ARHGAP8: variants seen among roughly 807,000 people sequenced by gnomAD.
The protein encoded by ARHGAP8 is rho GTPase-activating protein 8.
Under a neutral mutation model 46.1 loss-of-function variants are expected in ARHGAP8, and 62 were observed. That is an observed-to-expected ratio of 1.34 (90% CI 1.10 to 1.66). ARHGAP8 has a LOEUF of 1.66. Among genes scored for constraint, ARHGAP8 ranks in the 40% most tolerant of loss-of-function variants. The pLI is 0.00. For synonymous variants in ARHGAP8, 375 were observed against 243.1 expected, an observed-to-expected ratio of 1.54 and a Z score of -5.05; for missense variants, 923 against 568.4, an observed-to-expected ratio of 1.62 and a Z score of -6.34.
In ARHGAP8 at chr22:44,860,309, G is replaced by C. The variant is rs116993286; in HGVS notation, c.981+475G>C. ...TACTGTGTCACTCTTCTAGAGGCTA[G>C]CAGTCCAAAAGCAAGGTGTGGCGGG... On this transcript the variant is annotated intron_variant, in intron 11 of 11. Transcript: ENST00000356099. Among the ~76,000 whole-genome samples, 1,086 of 152,268 alleles carry C rather than the reference G, an allele frequency of 7.1e-3. 5 individuals are homozygous for C. Among genetic ancestry groups the C allele is most frequent in the Non-Finnish European group, 0.012 (844 of 68,004 alleles).
chr22:44,859,866 GC>G, intron 11 of ARHGAP8, 32 bp downstream of exon 11: 4 of 1,606,510 alleles, frequency 2.5e-6, no homozygotes, highest in Non-Finnish European at 3.4e-6. Flanking sequence ...TTGGGGTGAA[GC>G]CCAGTGGCCT....
At chr22:44,772,479 C>T (rs1018162135) in intron 1 of ARHGAP8, among the ~76,000 whole-genome samples, 21 of 150,964 alleles carry the variant, frequency 1.4e-4, no homozygotes, top group Non-Finnish European at 1.8e-4. Context: ...CATGAGCCAC[C>T]GTGCTGGCTG....
chr22:44,851,361 T>C, intron 10 of ARHGAP8, among the ~76,000 whole-genome samples: 1 of 152,154 alleles, frequency 6.6e-6, no homozygotes, highest in African/African-American at 2.4e-5. Flanking sequence ...GTTTATTTAA[T>C]GTAAGTTTTA....
rs117037909 is a variant in ARHGAP8, at chr22:44,860,237, G to A, written c.981+403G>A. Among the ~76,000 whole-genome samples the A allele has an allele frequency of 2.2e-4, 33 of 151,694 alleles. 1 individual carries two copies. Among genetic ancestry groups the A allele is most frequent in the African/African-American group, 5.9e-4 (24 of 41,016 alleles). Reference sequence around the variant, plus strand: ...GGGGAAGGGATACACCCAGAACCACGTACATTAAGTTCCTGTGACTGCATC... The same window carrying A: ...GGGGAAGGGATACACCCAGAACCACATACATTAAGTTCCTGTGACTGCATC... On this transcript the variant is annotated intron_variant, in intron 11 of 11. Transcript: ENST00000356099.
chr22:44,828,894 G>A (rs966718071), intron 7 of ARHGAP8, among the ~76,000 whole-genome samples: 1 of 152,092 alleles, frequency 6.6e-6, no homozygotes, highest in Admixed American at 6.5e-5. Flanking sequence ...TCTTTAGCTG[G>A]GAGATTCCAG....
chr22:44,771,221 G>C (rs1366991753), intron 1 of ARHGAP8, among the ~76,000 whole-genome samples: 3 of 148,660 alleles, frequency 2.0e-5, no homozygotes, highest in Non-Finnish European at 4.5e-5. Context: ...TTACTTAGAT[G>C]ATCATGTAGT....
intron 1 of ARHGAP8, among the ~76,000 whole-genome samples, chr22:44,775,989 C>G (rs1490922645): frequency 1.3e-5 from 2 of 152,276 alleles, no homozygotes; most frequent in Admixed American, 6.5e-5. Context: ...ATTCTGGTCA[C>G]TCATGGAGTG....
At chr22:44,838,230 C>A (rs1290519053) in intron 7 of ARHGAP8, among the ~76,000 whole-genome samples, 5 of 151,988 alleles carry the variant, frequency 3.3e-5, no homozygotes, top group African/African-American at 1.2e-4. Context: ...CTCCGCCTCC[C>A]GGGTTCAAGC....
chr22:44,830,855 C>G (rs549918370), intron 7 of ARHGAP8, among the ~76,000 whole-genome samples: 1 of 152,078 alleles, frequency 6.6e-6, no homozygotes, highest in Non-Finnish European at 1.5e-5. Flanking sequence ...TATTTTTTAT[C>G]GTAGCCATCC....
chr22:44,773,655 T>C (rs1289184480), intron 1 of ARHGAP8, among the ~76,000 whole-genome samples: 1 of 152,224 alleles, frequency 6.6e-6, no homozygotes, highest in Non-Finnish European at 1.5e-5. Flanking sequence ...TGATCTTGGC[T>C]CACTGCATCC....
chr22:44,803,199 G>T (rs1051657077), intron 3 of ARHGAP8, among the ~76,000 whole-genome samples: 1 of 152,134 alleles, frequency 6.6e-6, no homozygotes, highest in Admixed American at 6.5e-5. Context: ...CGAGTGAGGG[G>T]GTGCCTGGGC....
rs145431642 is a variant in ARHGAP8, at chr22:44,845,325, C to A, written c.653C>A (p.Thr218Lys). The change falls in exon 8 of 12, where the codon ACG becomes AAG. Residue 218 changes from threonine to lysine, a missense_variant. Transcript: ENST00000356099. ...CCCCCTGTGCTGAGGTTCACAGTGA[C>A]GTACCTGAGAGAGAAAGGTGAGACG... ...LIPPVLRFTV[T>K]YLREKGLRTE... is the part of the protein sequence containing the mutation. The A allele has an allele frequency of 3.7e-6, 6 of 1,614,126 alleles. No homozygotes were observed. Among genetic ancestry groups the A allele is most frequent in the African/African-American group, 1.3e-5 (1 of 75,024 alleles).
At chr22:44,759,556 G>C (rs1249714726) in intron 1 of ARHGAP8, among the ~76,000 whole-genome samples, 2 of 152,210 alleles carry the variant, frequency 1.3e-5, no homozygotes, top group African/African-American at 4.8e-5. Flanking sequence ...TTCATTCTCT[G>C]TGGGCTGCTG....
At chr22:44,781,123 A>G (rs1557557) in intron 1 of ARHGAP8, among the ~76,000 whole-genome samples, 135,161 of 152,160 alleles carry the variant, frequency 0.89, 60,065 homozygotes, top group Non-Finnish European at 0.9. Context: ...TGAAATAACC[A>G]GAGGCGATCT....
intron 7 of ARHGAP8, among the ~76,000 whole-genome samples, chr22:44,833,950 A>G (rs372475363): frequency 6.6e-6 from 1 of 152,148 alleles, no homozygotes; most frequent in East Asian, 1.9e-4. Flanking sequence ...GTAATTGTTC[A>G]TAGTACTTCA....
chr22:44,848,192 C>A (rs1270521556), intron 9 of ARHGAP8, 142 bp downstream of exon 9: 2 of 1,218,934 alleles, frequency 1.6e-6, no homozygotes, highest in East Asian at 5.1e-5. Flanking sequence ...GGCAGCTTCC[C>A]AGGAGGCATC....
chr22:44,839,242 C>G (rs1931490121), intron 7 of ARHGAP8, among the ~76,000 whole-genome samples: 2 of 152,270 alleles, frequency 1.3e-5, no homozygotes, highest in South Asian at 4.1e-4. Flanking sequence ...GGTCCGTATT[C>G]CTGCAACAGC....
At chr22:44,797,590 T>C (rs1928182492) in intron 2 of ARHGAP8, among the ~76,000 whole-genome samples, 1 of 152,118 alleles carries the variant, frequency 6.6e-6, no homozygotes, top group Admixed American at 6.5e-5. Flanking sequence ...AACTGTGAAA[T>C]GAAGAGGATG....
chr22:44,862,110 C>G (rs1447226259), intron 11 of ARHGAP8, among the ~76,000 whole-genome samples, 165 bp from the exon 12 acceptor site: 3 of 152,104 alleles, frequency 2.0e-5, no homozygotes, highest in Non-Finnish European at 4.4e-5. Context: ...TAACTAAGGC[C>G]CTGAGTGGGC....
Sources: allele counts gnomAD v4.1 joint callset (sites outside exome capture counted in the v4.1 genomes callset), GRCh38; gene constraint gnomAD v4.1.1; transcripts MANE v1.5; gene names NCBI Gene and HGNC (gene_info 2026-07-23, HGNC 2026-07-21).